The following MED15 variants were observed in gnomAD, a reference collection of about 807,000 sequenced individuals.
MED15 encodes the protein mediator of RNA polymerase II transcription subunit 15.
MED15 carries 41 observed loss-of-function variants against 118.7 expected under a neutral mutation model. That is an observed-to-expected ratio of 0.35 (90% CI 0.27 to 0.45). MED15 has a LOEUF of 0.45. Ranked by LOEUF, MED15 falls within the 20% of genes least tolerant of loss-of-function variation. The probability of loss-of-function intolerance (pLI) is 1.00; values close to 1 mark genes in which losing one functional copy is unlikely to be tolerated. For synonymous variants in MED15, 436 were observed against 413.9 expected (o/e 1.05, Z -0.65); for missense variants, 740 against 1,025.5 (o/e 0.72, Z 3.80).
In MED15 at chr22:20,564,804, G is replaced by A. The variant is rs570500598; in HGVS notation, c.690+116G>A. On this transcript the variant is annotated intron_variant, in intron 6 of 17. Coordinates refer to ENST00000263205, the MANE Select transcript of MED15 (RefSeq NM_001003891.3). ...AGCCAGCCGAGGGTTCTCTTGACAC[G>A]TGTGCCTGCCCTTTTCCATGGGCTT... The A allele has an allele frequency of 4.4e-5, 66 of 1,514,098 alleles. 1 individual carries two copies. Among genetic ancestry groups the A allele is most frequent in the African/African-American group, 4.1e-4 (30 of 72,972 alleles). The allele number at this position is 1,514,098 out of a possible 1,614,324, so 93.8% of individuals were successfully genotyped here.
chr22:20,547,781 C>T (rs2055607650), intron 2 of MED15, among the ~76,000 whole-genome samples: 2 of 152,136 alleles, frequency 1.3e-5, no homozygotes, highest in South Asian at 4.1e-4. Context: ...TGAGATTGCA[C>T]CACTGCACTC....
chr22:20,541,650 A>ATTTT (rs35805990), intron 2 of MED15, among the ~76,000 whole-genome samples: 3,686 of 125,444 alleles, frequency 0.029, 80 homozygotes, highest in Non-Finnish European at 0.045. Flanking sequence ...CACCCAGCTA[A>ATTTT]TTTTTTTTTT....
chr22:20,583,496 G>A (rs2057049155), intron 13 of MED15, 103 bp downstream of exon 13: 1 of 1,413,746 alleles, frequency 7.1e-7, no homozygotes, highest in South Asian at 1.2e-5. Context: ...GCACCAGGCA[G>A]CTCTTTGGAC....
intron 2 of MED15, among the ~76,000 whole-genome samples, chr22:20,545,091 A>T (rs1469742885): frequency 6.6e-6 from 1 of 152,202 alleles, no homozygotes; most frequent in African/African-American, 2.4e-5. Context: ...ACCTGATTTA[A>T]GGACTGTTAT....
At chr22:20,554,874 T>C (rs2055926363) in intron 4 of MED15, 62 bp from the exon 5 acceptor site, 6 of 1,493,462 alleles carry the variant, frequency 4.0e-6, no homozygotes, top group East Asian at 4.5e-5. Context: ...CCTTACGCCC[T>C]TTGAGCCATG....
chr22:20,582,765 T>C lies in MED15; in HGVS notation c.1409+18T>C. On this transcript the variant is annotated intron_variant, in intron 10 of 17. Transcript: ENST00000263205. Reference sequence around the variant, plus strand: ...AACGTCAGGTAGGCCTGGCCTGGGGTGCCCCTCCCCACCTGGCCCTCGAGG... The same window carrying C: ...AACGTCAGGTAGGCCTGGCCTGGGGCGCCCCTCCCCACCTGGCCCTCGAGG... 1.3e-6 allele frequency: 2 copies of C among 1,568,204 alleles called. No individual in the cohort carries two copies. The highest frequency in any genetic ancestry group is 1.7e-6 in the Non-Finnish European group (2 of 1,160,580).
chr22:20,510,134 C>T (rs141370998), intron 1 of MED15, among the ~76,000 whole-genome samples: 3,534 of 152,204 alleles, frequency 0.023, 135 homozygotes, highest in African/African-American at 0.081. Flanking sequence ...CGCCTGTAAT[C>T]CCAGCACTTT....
At chr22:20,542,356 G>A (rs1045706267) in intron 2 of MED15, among the ~76,000 whole-genome samples, 3 of 152,166 alleles carry the variant, frequency 2.0e-5, no homozygotes, top group Non-Finnish European at 4.4e-5. Context: ...TAAACAGAAT[G>A]TAGAATATCC....
intron 1 of MED15, among the ~76,000 whole-genome samples, chr22:20,523,454 GGC>G (rs1414419253): frequency 6.6e-6 from 1 of 152,044 alleles, no homozygotes; most frequent in Non-Finnish European, 1.5e-5. Context: ...AGCAACATAT[GGC>G]CAGTGTTGCT....
intron 14 of MED15, 101 bp downstream of exon 14, chr22:20,584,526 G>A: frequency 2.2e-6 from 3 of 1,379,640 alleles, no homozygotes; most frequent in Non-Finnish European, 2.1e-6. Context: ...TCTGGGCGGG[G>A]GCCGGGCCTG....
chr22:20,584,363 C>T lies in MED15; in HGVS notation c.1741C>T (p.Pro581Ser), dbSNP rs772280550. The T allele has an allele frequency of 4.3e-6, 7 of 1,613,724 alleles. No individual in the cohort carries two copies. The highest frequency in any genetic ancestry group is 5.9e-6 in the Non-Finnish European group (7 of 1,179,806). ...CCAAGTCCTCTCTCTCTGCAGGTGT[C>T]CCCTGAAGACCTTGCAAAAGTGTGA... Reference protein sequence around the residue: ...DILTDPSKRCPLKTLQKCEIA... With the variant: ...DILTDPSKRCSLKTLQKCEIA... The change falls in exon 14 of 18, where the codon CCC (proline) becomes TCC (serine). Residue 581 changes from proline to serine, a missense_variant. By Grantham distance (74) the Pro-to-Ser change is moderately conservative. This residue lies in a region of MED15 where 384 missense variants were observed against 506.3 expected (regional missense o/e 0.76). Coordinates refer to ENST00000263205, the MANE Select transcript of MED15 (RefSeq NM_001003891.3).
intron 8 of MED15, among the ~76,000 whole-genome samples, chr22:20,570,746 CTTTTTTTTTTTTTTTTT>C (rs61109389): frequency 9.3e-4 from 58 of 62,110 alleles, no homozygotes; most frequent in Admixed American, 4.9e-3. Context: ...TTCTTTCTTT[CTTTTTTTTTTTTTTTTT>C]TTTTTTTTTT....
chr22:20,533,841 C>T lies in MED15; in HGVS notation c.69-3276C>T, dbSNP rs1440426358. On this transcript the variant is annotated intron_variant, in intron 1 of 17. Coordinates refer to ENST00000263205, the MANE Select transcript of MED15 (RefSeq NM_001003891.3). ...GTGTATGGTGCCACCTTGCCTTCAG[C>T]TCACCAAGCATATTTCTTCAACCTG... Among the ~76,000 whole-genome samples the T allele has an allele frequency of 2.6e-5, 4 of 152,290 alleles. 1 individual carries two copies. Among genetic ancestry groups the T allele is most frequent in the East Asian group, 3.9e-4 (2 of 5,186 alleles).
chr22:20,572,829 T>A (rs1360062873), intron 8 of MED15, among the ~76,000 whole-genome samples: 1 of 151,866 alleles, frequency 6.6e-6, no homozygotes, highest in African/African-American at 2.4e-5. Context: ...GGAGGCCGAG[T>A]TGGGAGGATC....
intron 3 of MED15, chr22:20,552,435 C>A (rs994979697): frequency 2.7e-5 from 9 of 337,264 alleles, no homozygotes; most frequent in Non-Finnish European, 4.3e-5. Flanking sequence ...ACTGATCTCA[C>A]TCTCTGTGGT....
At chr22:20,583,580 GCC>G in intron 13 of MED15, 187 bp downstream of exon 13, 2 of 675,872 alleles carry the variant, frequency 3.0e-6, no homozygotes, top group South Asian at 3.7e-5. Flanking sequence ...CTTGGCCCAT[GCC>G]CAGCCTTTGC....
intron 1 of MED15, among the ~76,000 whole-genome samples, chr22:20,536,026 G>A (rs564502505): frequency 5.3e-5 from 8 of 151,904 alleles, no homozygotes; most frequent in South Asian, 4.1e-4. Flanking sequence ...ACAGGCATGC[G>A]CAACCACACC....
intron 2 of MED15, among the ~76,000 whole-genome samples, chr22:20,548,422 C>G (rs1278055850): frequency 6.6e-6 from 1 of 152,084 alleles, no homozygotes; most frequent in African/African-American, 2.4e-5. Context: ...GTCTTGGCCT[C>G]CCAAAGTGCT....
intron 8 of MED15, among the ~76,000 whole-genome samples, chr22:20,570,746 C>CTTTTTTTTTTTTTTTTTTTTT (rs61109389): frequency 4.3e-4 from 27 of 62,076 alleles, no homozygotes; most frequent in East Asian, 5.3e-4. Context: ...TTCTTTCTTT[C>CTTTTTTTTTTTTTTTTTTTTT]TTTTTTTTTT....
Sources: allele counts gnomAD v4.1 joint callset (sites outside exome capture counted in the v4.1 genomes callset), GRCh38; gene constraint gnomAD v4.1.1; regional missense constraint gnomAD v4.1.1; transcripts MANE v1.5; gene names NCBI Gene and HGNC (gene_info 2026-07-23, HGNC 2026-07-21).